The following NR3C2 variants were observed in gnomAD, a reference collection of about 807,000 sequenced individuals.
NR3C2 encodes nuclear receptor subfamily 3 group C member 2.
Under a neutral mutation model 86.4 loss-of-function variants are expected in NR3C2, and 15 were observed. The ratio of observed to expected loss-of-function variants is 0.17; its 90% CI spans 0.12 to 0.27. The LOEUF is 0.27. NR3C2 is among the 10% of genes least tolerant of loss of function. The probability of loss-of-function intolerance (pLI) is 1.00; values close to 1 mark genes in which losing one functional copy is unlikely to be tolerated. For synonymous variants in NR3C2, 458 were observed against 450.5 expected, an observed-to-expected ratio of 1.02 and a Z score of -0.21; for missense variants, 960 against 1,195.6, an observed-to-expected ratio of 0.80 and a Z score of 2.91.
At chr4:148,343,400 C>A (rs190944357) in intron 2 of NR3C2, among the ~76,000 whole-genome samples, 2 of 120,758 alleles carry the variant, frequency 1.7e-5, no homozygotes, top group Non-Finnish European at 3.5e-5. Flanking sequence ...GGGATATCCG[C>A]CCCCCCGACC....
intron 2 of NR3C2, among the ~76,000 whole-genome samples, chr4:148,276,819 C>A (rs1406547848): frequency 1.3e-5 from 2 of 152,142 alleles, no homozygotes. Context: ...TATTATTTTT[C>A]TTTTATACTA....
At chr4:148,298,124 A>T (rs147456789) in intron 2 of NR3C2, among the ~76,000 whole-genome samples, 309 of 152,338 alleles carry the variant, frequency 2.0e-3, no homozygotes, top group African/African-American at 6.8e-3. Flanking sequence ...ACATTTTATT[A>T]CATTTTCAGA....
At chr4:148,253,145 C>T (rs747650866) in intron 3 of NR3C2, among the ~76,000 whole-genome samples, 6 of 152,156 alleles carry the variant, frequency 3.9e-5, no homozygotes, top group Non-Finnish European at 7.3e-5. Context: ...GAAACAAGGG[C>T]GAACCCCATT....
chr4:148,442,737 C>T (rs761126194), upstream of NR3C2: 13 of 985,300 alleles, frequency 1.3e-5, no homozygotes, highest in Non-Finnish European at 1.4e-5. Flanking sequence ...GCCGCAGCCG[C>T]GGCGGGAGCT....
At chr4:148,218,219 T>C (rs541538656) in intron 3 of NR3C2, among the ~76,000 whole-genome samples, 9 of 152,284 alleles carry the variant, frequency 5.9e-5, no homozygotes, top group Admixed American at 2.0e-4. Flanking sequence ...AGCTGTTGCA[T>C]TAATGAGAAC....
intron 2 of NR3C2, among the ~76,000 whole-genome samples, chr4:148,390,966 A>G (rs1747517767): frequency 6.6e-6 from 1 of 152,254 alleles, no homozygotes; most frequent in African/African-American, 2.4e-5. Context: ...GCTAAAATGC[A>G]TTCAGTTAAA....
intron 2 of NR3C2, among the ~76,000 whole-genome samples, chr4:148,279,676 C>A (rs1169762666): frequency 6.6e-6 from 1 of 152,140 alleles, no homozygotes; most frequent in Non-Finnish European, 1.5e-5. Context: ...TAACTTTAAT[C>A]AAATCAAGCA....
intron 6 of NR3C2, among the ~76,000 whole-genome samples, chr4:148,131,725 C>A (rs1054330991): frequency 6.6e-6 from 1 of 152,152 alleles, no homozygotes; most frequent in Non-Finnish European, 1.5e-5. Context: ...GACTAATGTC[C>A]CATTGGTCTC....
intron 6 of NR3C2, among the ~76,000 whole-genome samples, chr4:148,145,270 C>T (rs1733812124): frequency 1.3e-5 from 2 of 152,150 alleles, no homozygotes; most frequent in African/African-American, 2.4e-5. Flanking sequence ...ATGCATAGAA[C>T]TCCAGTAAAC....
intron 4 of NR3C2, among the ~76,000 whole-genome samples, chr4:148,183,394 C>T (rs1735735034): frequency 6.6e-6 from 1 of 152,220 alleles, no homozygotes. Context: ...GAGGAATCGC[C>T]ACACTGTCTT....
rs72648710 is a variant in NR3C2, at chr4:148,080,886, GT to G, written c.*457del. ...ATATATTTTTTTATTATTTTTTTGTGTTTTTTTAATAACAAAAGAATATTAA... is the reference window on the plus strand; with the variant it reads ...ATATATTTTTTTATTATTTTTTTGTGTTTTTTAATAACAAAAGAATATTAA... On this transcript the variant is annotated 3_prime_UTR_variant, in exon 9 of 9. Coordinates refer to ENST00000358102, the MANE Select transcript of NR3C2 (RefSeq NM_000901.5). 29 of 360,800 alleles carry G rather than the reference GT, an allele frequency of 8.0e-5. No individual in the cohort carries two copies. Among genetic ancestry groups the G allele is most frequent in the South Asian group, 1.8e-4 (9 of 48,858 alleles). The allele number at this position is 360,800 out of a possible 1,614,324, so 22.3% of individuals were successfully genotyped here.
intron 2 of NR3C2, among the ~76,000 whole-genome samples, chr4:148,391,028 T>C (rs1280379100): frequency 6.6e-6 from 1 of 152,250 alleles, no homozygotes; most frequent in Non-Finnish European, 1.5e-5. Context: ...ACCCACATTG[T>C]ATATTATGTT....
chr4:148,111,764 T>C (rs1732055055), intron 8 of NR3C2, among the ~76,000 whole-genome samples: 1 of 152,194 alleles, frequency 6.6e-6, no homozygotes, highest in African/African-American at 2.4e-5. Flanking sequence ...TGTATTTATA[T>C]GTAACACCAG....
chr4:148,359,322 T>C (rs1481503760), intron 2 of NR3C2, among the ~76,000 whole-genome samples: 1 of 152,162 alleles, frequency 6.6e-6, no homozygotes, highest in East Asian at 1.9e-4. Flanking sequence ...GTAACCTAGA[T>C]GTAATTTTTA....
At chr4:148,222,428 T>G (rs1405065958) in intron 3 of NR3C2, among the ~76,000 whole-genome samples, 1 of 152,194 alleles carries the variant, frequency 6.6e-6, no homozygotes, top group East Asian at 1.9e-4. Flanking sequence ...AAATTCACCT[T>G]GGTTATCCAA....
intron 2 of NR3C2, among the ~76,000 whole-genome samples, chr4:148,332,636 C>T (rs1021367048): frequency 6.6e-6 from 1 of 152,218 alleles, no homozygotes; most frequent in Non-Finnish European, 1.5e-5. Context: ...TTAGTCAAAA[C>T]ATCTCACATG....
At chr4:148,084,981 C>T (rs1730746280) in intron 8 of NR3C2, among the ~76,000 whole-genome samples, 1 of 152,142 alleles carries the variant, frequency 6.6e-6, no homozygotes, top group African/African-American at 2.4e-5. Flanking sequence ...GCACCCAATA[C>T]AGGACCACCC....
At chr4:148,249,031 T>C (rs1679997354) in intron 3 of NR3C2, among the ~76,000 whole-genome samples, 1 of 152,178 alleles carries the variant, frequency 6.6e-6, no homozygotes, top group Admixed American at 6.5e-5. Flanking sequence ...GGCAGTATCA[T>C]TCTGTATAAC....
chr4:148,234,746 A>G (rs970724541), intron 3 of NR3C2, among the ~76,000 whole-genome samples: 3 of 151,390 alleles, frequency 2.0e-5, no homozygotes. Context: ...AGGCCAATAC[A>G]TGGGTTACTA....
Sources: gnomAD v4.1 joint callset for allele counts (sites outside exome capture counted in the v4.1 genomes callset) on GRCh38, gnomAD v4.1.1 for gene constraint, MANE v1.5 for transcripts, NCBI Gene and HGNC (gene_info 2026-07-23, HGNC 2026-07-21) for gene names.